The following BTBD16 variants were observed in gnomAD, a reference collection of about 807,000 sequenced individuals.
BTBD16 encodes the protein BTB domain containing 16.
BTBD16 carries 66 observed loss-of-function variants against 67.4 expected under a neutral mutation model. The ratio of observed to expected loss-of-function variants is 0.98; its 90% confidence interval spans 0.80 to 1.20. The LOEUF is 1.20. Ranked by LOEUF, BTBD16 falls within the 50% of genes most tolerant of loss-of-function variation. The pLI is 0.00. For synonymous variants in BTBD16, 242 were observed against 236.4 expected (o/e 1.02, Z -0.22); for missense variants, 634 against 616.0 (o/e 1.03, Z -0.31).
chr10:122,291,029 T>C (rs376734976), intron 6 of BTBD16, 51 bp from the exon 7 acceptor site: 1 of 1,534,320 alleles, frequency 6.5e-7, no homozygotes, highest in Non-Finnish European at 8.8e-7. Flanking sequence ...CTGGGTGGTG[T>C]CCTGTGTGCA....
At chr10:122,301,371 T>C (rs1033009620) in intron 9 of BTBD16, among the ~76,000 whole-genome samples, 1 of 152,254 alleles carries the variant, frequency 6.6e-6, no homozygotes, top group Non-Finnish European at 1.5e-5. Context: ...GTGTCTAGAC[T>C]CATCAGCTTG....
intron 12 of BTBD16, 90 bp from the exon 13 acceptor site, chr10:122,332,346 G>GT: frequency 8.3e-7 from 1 of 1,207,854 alleles, no homozygotes; most frequent in Non-Finnish European, 1.2e-6. Flanking sequence ...GGTGAGGGGG[G>GT]CAGGGGTCAA....
In BTBD16 at chr10:122,299,134, G is replaced by A; in HGVS notation, c.791G>A (p.Arg264Lys). 1 of 1,613,528 alleles carries A rather than the reference G, an allele frequency of 6.2e-7. No homozygotes were observed. The highest frequency in any genetic ancestry group is 1.1e-5 in the South Asian group (1 of 90,956). Reference protein sequence around the residue: ...DLLHKVLKSPRLFTFSEFHLL... With the variant: ...DLLHKVLKSPKLFTFSEFHLL... ...CTCCACAAAGTGCTGAAGTCCCCCAGGTCAGAGCTGGCTCCCAGGGTGCGG... is the reference window on the plus strand; with the variant it reads ...CTCCACAAAGTGCTGAAGTCCCCCAAGTCAGAGCTGGCTCCCAGGGTGCGG... Residue 264 changes from arginine (R) to lysine (K), a missense_variant and splice_region_variant, in exon 9 of 16, where the codon AGG (arginine) becomes AAG (lysine). Arg to Lys is a conservative substitution (Grantham distance 26). Transcript: ENST00000260723.
At chr10:122,312,496 A>G (rs1315792575) in intron 10 of BTBD16, among the ~76,000 whole-genome samples, 2 of 151,616 alleles carry the variant, frequency 1.3e-5, no homozygotes, top group African/African-American at 2.4e-5. Context: ...TATTTTTAGT[A>G]AAGACGGGGG....
At chr10:122,335,807 A>G (rs2096462464) in intron 14 of BTBD16, among the ~76,000 whole-genome samples, 1 of 152,170 alleles carries the variant, frequency 6.6e-6, no homozygotes, top group Non-Finnish European at 1.5e-5. Context: ...GCCATATCTT[A>G]TTAATCTTTT....
chr10:122,290,042 A>AT, intron 6 of BTBD16, 44 bp downstream of exon 6: 3 of 1,320,642 alleles, frequency 2.3e-6, no homozygotes, highest in African/African-American at 1.5e-5. Context: ...CATTGAACAA[A>AT]TGGTCCTCCC....
At chr10:122,317,541 G>A (rs1167339270) in intron 10 of BTBD16, among the ~76,000 whole-genome samples, 5 of 152,118 alleles carry the variant, frequency 3.3e-5, no homozygotes, top group Admixed American at 6.6e-5. Flanking sequence ...CAGCTACTTG[G>A]GAGGCTGAGG....
chr10:122,326,547 G>A (rs565938732), intron 10 of BTBD16, among the ~76,000 whole-genome samples: 59 of 152,246 alleles, frequency 3.9e-4, no homozygotes, highest in Non-Finnish European at 5.7e-4. Context: ...CCTGATACTC[G>A]CAGGAAGGGT....
intron 10 of BTBD16, among the ~76,000 whole-genome samples, chr10:122,317,283 G>C (rs761651505): frequency 9.2e-5 from 14 of 151,986 alleles, no homozygotes; most frequent in Non-Finnish European, 1.8e-4. Flanking sequence ...TTTATAATCT[G>C]TTCTATAAGC....
Position 122,291,160 on chromosome 10 carries a change from G to T in BTBD16, c.556G>T (p.Ala186Ser), listed in dbSNP as rs780282713. 1 of 1,613,684 alleles carries T rather than the reference G, an allele frequency of 6.2e-7. No homozygotes were observed. Among genetic ancestry groups the T allele is most frequent in the East Asian group, 2.2e-5 (1 of 44,848 alleles). ...LEDLLGVLAS[A>S]HILQFSGLFQ... Reference sequence around the variant, plus strand: ...AGACCTACTGGGAGTGCTGGCTTCCGCCCACATCCTCCAGTTCAGTGGCCT... The same window carrying T: ...AGACCTACTGGGAGTGCTGGCTTCCTCCCACATCCTCCAGTTCAGTGGCCT... The change falls in exon 7 of 16, where the codon GCC becomes TCC. Residue 186 changes from alanine to serine, a missense_variant. Transcript: ENST00000260723.
chr10:122,294,363 T>C (rs1320286639), intron 7 of BTBD16, among the ~76,000 whole-genome samples: 3 of 152,244 alleles, frequency 2.0e-5, no homozygotes, highest in Non-Finnish European at 2.9e-5. Context: ...AGATGACAGC[T>C]TAATTCTGAA....
intron 1 of BTBD16, among the ~76,000 whole-genome samples, chr10:122,273,456 G>A (rs1424291633): frequency 6.6e-6 from 1 of 152,054 alleles, no homozygotes; most frequent in Non-Finnish European, 1.5e-5. Context: ...GAAATATTAT[G>A]CGGCCAGAAA....
Position 122,327,546 on chromosome 10 carries a change from G to A in BTBD16, c.912-1934G>A, listed in dbSNP as rs545985225. 3.6e-5 allele frequency: 35 copies of A among 980,618 alleles called. No individual in the cohort carries two copies. In the South Asian group the frequency reaches 1.6e-3, roughly 44 times the overall value. 60.7% of individuals were successfully genotyped at this position (980,618 alleles called of 1,614,324 possible). Reference sequence around the variant, plus strand: ...CACAGGACTGTGGCTGGCTGGGCTGGGACGGGACCCTGGTCTGCCTGCCTC... The same window carrying A: ...CACAGGACTGTGGCTGGCTGGGCTGAGACGGGACCCTGGTCTGCCTGCCTC... On this transcript the variant is annotated intron_variant, in intron 10 of 15. Coordinates refer to ENST00000260723, the MANE Select transcript of BTBD16 (RefSeq NM_144587.5).
At chr10:122,286,741 C>T (rs1293098169) in intron 5 of BTBD16, among the ~76,000 whole-genome samples, 1 of 152,072 alleles carries the variant, frequency 6.6e-6, no homozygotes, top group African/African-American at 2.4e-5. Context: ...CTTTTCTTTC[C>T]TCTTCTCTTC....
chr10:122,319,756 A>G (rs191695056), intron 10 of BTBD16, among the ~76,000 whole-genome samples: 75 of 152,200 alleles, frequency 4.9e-4, no homozygotes, highest in African/African-American at 1.6e-3. Context: ...TTTGTAGAAA[A>G]ATCTCGTGGA....
intron 9 of BTBD16, among the ~76,000 whole-genome samples, chr10:122,301,906 C>T (rs1338043570): frequency 6.6e-6 from 1 of 152,210 alleles, no homozygotes; most frequent in Non-Finnish European, 1.5e-5. Flanking sequence ...GTGTGCTGCA[C>T]CCCTCGTCGT....
intron 10 of BTBD16, among the ~76,000 whole-genome samples, chr10:122,322,120 A>AT (rs1330704144): frequency 2.0e-5 from 3 of 151,764 alleles, no homozygotes; most frequent in African/African-American, 7.3e-5. Flanking sequence ...TATTTTATTC[A>AT]TTTTTTTAAA....
At chr10:122,336,945 A>C (rs2096464252) in intron 15 of BTBD16, among the ~76,000 whole-genome samples, 1 of 152,218 alleles carries the variant, frequency 6.6e-6, no homozygotes, top group Non-Finnish European at 1.5e-5. Context: ...ATAAGCATCA[A>C]AGGGTATTTT....
rs1013735283 is a variant in BTBD16 at position 122,286,167 on chromosome 10, G to C, written c.304G>C (p.Glu102Gln). Residue 102 changes from glutamate to glutamine, a missense_variant, in exon 5 of 16, where the codon GAG (glutamate) becomes CAG (glutamine). By Grantham distance (29) the Glu-to-Gln change is conservative (BLOSUM62 2). Transcript: ENST00000260723. ...ELHQPQLFQS[E>Q]TLAKLYLKAL... The stretch of plus-strand genomic sequence containing the variant: ...CCATCAGCCCCAGCTTTTTCAGTCT[G>C]AGACCTTGGCCAAGCTCTACCTGAA... 13 of 1,614,024 alleles carry C rather than the reference G, an allele frequency of 8.1e-6. No individual in the cohort carries two copies. The highest frequency in any genetic ancestry group is 1.1e-5 in the Non-Finnish European group (13 of 1,179,924).
Sources: allele counts gnomAD v4.1 joint callset (sites outside exome capture counted in the v4.1 genomes callset), GRCh38; gene constraint gnomAD v4.1.1; transcripts MANE v1.5; gene names NCBI Gene and HGNC (gene_info 2026-07-23, HGNC 2026-07-21).